ARAP1: variants seen among roughly 807,000 people sequenced by gnomAD.
ARAP1 encodes ArfGAP with RhoGAP domain, ankyrin repeat and PH domain 1, also known as arf-GAP with Rho-GAP domain, ANK repeat and PH domain-containing protein 1.
Under a neutral mutation model 172.2 loss-of-function variants are expected in ARAP1, and 76 were observed. The observed-to-expected ratio is 0.44, with a 90% CI of 0.37 to 0.53. The LOEUF (loss-of-function observed/expected upper bound fraction) is 0.53, where lower values mean the gene tolerates loss of function less well. Among genes scored for constraint, ARAP1 ranks in the 20% least tolerant of loss-of-function variants. The pLI is 0.00. For synonymous variants in ARAP1, 804 were observed against 803.3 expected (o/e 1.00, Z -0.01); for missense variants, 1,686 against 1,977.5 (o/e 0.85, Z 2.80).
At chr11:72,708,032 G>C (rs1281250652) in intron 11 of ARAP1, among the ~76,000 whole-genome samples, 4 of 151,854 alleles carry the variant, frequency 2.6e-5, no homozygotes, top group African/African-American at 9.7e-5. Context: ...AGCATGCCCT[G>C]CTCTTCAGGG....
rs541524199 is a variant in ARAP1 at position 72,710,950 on chromosome 11, C to T, written c.1213+71G>A. On this transcript the variant is annotated intron_variant, in intron 9 of 34. Transcript: ENST00000393609. This position sits in a 1 kb window ranked among gnomAD's most constrained non-coding sequence, Gnocchi z 4.3. The stretch of plus-strand genomic sequence containing the variant: ...GCAGATGCACCATGACTCTCTTCCC[C>T]CTCCTCTGCCCAAACTTCCAGTCTT... 9.2e-4 allele frequency: 1,472 copies of T among 1,601,614 alleles called. 16 individuals are homozygous for T. The South Asian group carries it at 0.016, about 17-fold the overall frequency.
At chr11:72,733,078 T>C (rs1857911615) in intron 1 of ARAP1, among the ~76,000 whole-genome samples, 1 of 152,134 alleles carries the variant, frequency 6.6e-6, no homozygotes, top group Non-Finnish European at 1.5e-5. Context: ...AACCTCATGC[T>C]CATGGAAACT....
At chr11:72,712,827 C>T (rs183342539) in intron 5 of ARAP1, 16 of 613,152 alleles carry the variant, frequency 2.6e-5, no homozygotes, top group East Asian at 5.6e-5. Context: ...AAAAAGACTG[C>T]GGGCTAGGGA....
intron 11 of ARAP1, among the ~76,000 whole-genome samples, chr11:72,708,721 G>T (rs570285183): frequency 6.6e-6 from 1 of 152,364 alleles, no homozygotes; most frequent in South Asian, 2.1e-4. Flanking sequence ...ACAGCAGAGG[G>T]ATGGGGCCAG....
chr11:72,696,422 G>A, intron 23 of ARAP1, 127 bp downstream of exon 23: 1 of 658,894 alleles, frequency 1.5e-6, no homozygotes, highest in East Asian at 3.0e-5. Flanking sequence ...CCAATGTTAG[G>A]GCAGATCACA....
chr11:72,685,477 C>G lies in ARAP1; in HGVS notation c.*187G>C. ...GAGTTGGGAGAGGTTCCTGCCCAGG[C>G]TGACCCCTGCTGCCTCCCACCCCTG... On this transcript the variant is annotated 3_prime_UTR_variant, in exon 35 of 35. Coordinates refer to ENST00000393609, the MANE Select transcript of ARAP1 (RefSeq NM_001040118.3). 1 of 763,152 alleles carries G rather than the reference C, an allele frequency of 1.3e-6. No homozygotes were observed. 47.3% of individuals were successfully genotyped at this position (763,152 alleles called of 1,614,324 possible). A position where few individuals can be genotyped will look rare whatever the true frequency, so the allele number is the denominator to read the frequency against.
intron 13 of ARAP1, 162 bp from the exon 14 acceptor site, chr11:72,704,496 T>A: frequency 1.3e-6 from 1 of 747,848 alleles, no homozygotes; most frequent in Non-Finnish European, 2.1e-6. Context: ...TGCTGGTGGC[T>A]GGGGATGCTC....
chr11:72,746,481 C>T (rs1004909880), intron 1 of ARAP1, among the ~76,000 whole-genome samples: 1 of 152,228 alleles, frequency 6.6e-6, no homozygotes, highest in Non-Finnish European at 1.5e-5. Context: ...TGACCCAGCC[C>T]AACTCGAGGC....
At chr11:72,692,705 G>T (rs146077039) in intron 30 of ARAP1, 48 bp downstream of exon 30, 171 of 1,611,924 alleles carry the variant, frequency 1.1e-4, no homozygotes, top group Admixed American at 3.0e-4. Context: ...AGCTCATTTG[G>T]CCCCCAGGTG....
chr11:72,708,909 C>T (rs1162905683), intron 11 of ARAP1, among the ~76,000 whole-genome samples: 2 of 152,146 alleles, frequency 1.3e-5, no homozygotes, highest in Admixed American at 6.5e-5. Flanking sequence ...TGGTAGCGTG[C>T]ACCTGTAATC....
intron 12 of ARAP1, among the ~76,000 whole-genome samples, 182 bp downstream of exon 12, chr11:72,706,993 G>A (rs976242001): frequency 6.6e-6 from 1 of 152,180 alleles, no homozygotes; most frequent in Admixed American, 6.5e-5. Flanking sequence ...GGGAGAAGTT[G>A]AACCCCTGCC....
chr11:72,701,643 AC>A lies in ARAP1; in HGVS notation c.2302+5del. ...GGGCTAAAGCAGAGTCTGGGGTGGCACCCACCTTCCCGGGCCCGGCGGTCCT... is the reference window on the plus strand; with the variant it reads ...GGGCTAAAGCAGAGTCTGGGGTGGCACCACCTTCCCGGGCCCGGCGGTCCT... On this transcript the variant is annotated splice_donor_5th_base_variant and intron_variant, in intron 16 of 34. Coordinates refer to ENST00000393609, the MANE Select transcript of ARAP1 (RefSeq NM_001040118.3). 6.2e-7 allele frequency: 1 copy of A among 1,611,882 alleles called. No individual in the cohort carries two copies. Among genetic ancestry groups the A allele is most frequent in the Non-Finnish European group, 8.5e-7 (1 of 1,179,148 alleles).
rs931649210 is a variant in ARAP1, at chr11:72,702,991, T to A, written c.2081A>T (p.Asp694Val). 6.4e-7 allele frequency: 1 copy of A among 1,565,746 alleles called. No individual in the cohort carries two copies. The change falls in exon 15 of 35, where the codon GAC (aspartate) becomes GTC (valine). Residue 694 changes from aspartate (D) to valine (V), a missense_variant. Asp to Val is a radical substitution (Grantham distance 152). This residue lies in a region of ARAP1 where 688 missense variants were observed against 856.9 expected (regional missense o/e 0.80). Transcript: ENST00000393609. ...CGAGINCFSG[D>V]PEAPTPLALA... is the part of the protein sequence containing the mutation. ...AGCCAGGGGCGTGGGGGCCTCAGGG[T>A]CCCCCGAGAAGCAGTTGATCCCAGC...
chr11:72,694,444 C>T (rs1005656653), intron 27 of ARAP1, among the ~76,000 whole-genome samples: 2 of 151,898 alleles, frequency 1.3e-5, no homozygotes, highest in African/African-American at 4.8e-5. Flanking sequence ...CACCACAGGG[C>T]TTTTGCCTTC....
intron 19 of ARAP1, 36 bp downstream of exon 19, chr11:72,697,875 C>G: frequency 6.5e-7 from 1 of 1,530,444 alleles, no homozygotes; most frequent in Non-Finnish European, 8.8e-7. Flanking sequence ...GGATAGGGTG[C>G]CCTGGAGGCT....
chr11:72,736,377 G>C (rs779954985), intron 1 of ARAP1, among the ~76,000 whole-genome samples: 4 of 151,572 alleles, frequency 2.6e-5, no homozygotes, highest in Non-Finnish European at 5.9e-5. Context: ...CCAGTAGCGG[G>C]GACCACAGGA....
At chr11:72,735,408 C>T (rs1364366301) in intron 1 of ARAP1, among the ~76,000 whole-genome samples, 3 of 151,834 alleles carry the variant, frequency 2.0e-5, no homozygotes, top group African/African-American at 7.3e-5. Context: ...GTCAGGAGTT[C>T]GAGACCAGCC....
intron 30 of ARAP1, among the ~76,000 whole-genome samples, chr11:72,690,305 T>G (rs2135489761): frequency 6.6e-6 from 1 of 152,274 alleles, no homozygotes; most frequent in Admixed American, 6.5e-5. Flanking sequence ...AGGCCTCCGA[T>G]TCCTTGGGGT....
intron 2 of ARAP1, among the ~76,000 whole-genome samples, chr11:72,731,189 A>G (rs1230393302): frequency 6.6e-6 from 1 of 152,200 alleles, no homozygotes; most frequent in Non-Finnish European, 1.5e-5. Context: ...CAGAGTTCAC[A>G]GGGCCTGAAG....
Sources: gnomAD v4.1 joint callset for allele counts (sites outside exome capture counted in the v4.1 genomes callset) on GRCh38, gnomAD v4.1.1 for gene constraint, gnomAD v4.1.1 regional missense constraint, Gnocchi (gnomAD v3.1) non-coding constraint, MANE v1.5 for transcripts, NCBI Gene and HGNC (gene_info 2026-07-23, HGNC 2026-07-21) for gene names.